MS4A6E: variants seen among roughly 807,000 people sequenced by gnomAD.
MS4A6E encodes the protein membrane spanning 4-domains A6E, also known as membrane-spanning 4-domains subfamily A member 6E.
Under a neutral mutation model 13.2 loss-of-function variants are expected in MS4A6E, and 8 were observed. The ratio of observed to expected loss-of-function variants is 0.60; its 90% CI spans 0.35 to 1.09. The LOEUF (loss-of-function observed/expected upper bound fraction) is 1.09. Among genes scored for constraint, MS4A6E ranks in the 50% least tolerant of loss-of-function variants. The pLI is 0.02. For missense variants in MS4A6E, 177 were observed against 171.1 expected (o/e 1.03, Z -0.19); for synonymous variants, 72 against 67.6 (o/e 1.06, Z -0.32).
intron 3 of MS4A6E, among the ~76,000 whole-genome samples, chr11:60,339,653 C>T (rs1157148792): frequency 6.6e-6 from 1 of 152,214 alleles, no homozygotes; most frequent in African/African-American, 2.4e-5. Context: ...GATTTAGTTA[C>T]TACTCATCTT....
At chr11:60,343,430 G>A (rs2085241312), downstream of MS4A6E, among the ~76,000 whole-genome samples, 1 of 152,064 alleles carries the variant, frequency 6.6e-6, no homozygotes, top group Admixed American at 6.6e-5. Flanking sequence ...TTTTCCAACC[G>A]GAATTCCATA....
chr11:60,347,138 T>C (rs1399319531), intron 4 of MS4A6E, among the ~76,000 whole-genome samples: 2 of 152,144 alleles, frequency 1.3e-5, no homozygotes, highest in Non-Finnish European at 1.5e-5. Flanking sequence ...GCATGGTTAG[T>C]GGGGGTCCCA....
At chr11:60,336,843 T>C (rs2085191553) in intron 2 of MS4A6E, among the ~76,000 whole-genome samples, 1 of 152,202 alleles carries the variant, frequency 6.6e-6, no homozygotes, top group South Asian at 2.1e-4. Context: ...CAGTTCTCTT[T>C]TCTGTGTGAG....
At chr11:60,330,130 CA>C (rs1276310484) in intron 1 of MS4A6E, among the ~76,000 whole-genome samples, 1 of 148,790 alleles carries the variant, frequency 6.7e-6, no homozygotes, top group Non-Finnish European at 1.5e-5. Flanking sequence ...CGGCCTCCTT[CA>C]CCCACTTTTT....
chr11:60,339,495 C>T (rs762621788), intron 3 of MS4A6E, among the ~76,000 whole-genome samples: 73 of 152,144 alleles, frequency 4.8e-4, no homozygotes, highest in Middle Eastern at 3.2e-3. Flanking sequence ...CACAGCTACT[C>T]AGCAGTAAAG....
chr11:60,342,176 TGTGAGAGA>T (rs1197683782), downstream of MS4A6E, among the ~76,000 whole-genome samples: 10 of 37,790 alleles, frequency 2.6e-4, no homozygotes, highest in East Asian at 8.8e-4. Context: ...TGTGTGTGTG[TGTGAGAGA>T]GAGAGAGAGA....
chr11:60,341,482 G>A (rs1259551255), downstream of MS4A6E, among the ~76,000 whole-genome samples: 1 of 152,000 alleles, frequency 6.6e-6, no homozygotes, highest in Admixed American at 6.6e-5. Flanking sequence ...AACCAGGAAT[G>A]CTTATCTGTT....
At chr11:60,327,465 C>T (rs1001768049) in intron 1 of MS4A6E, among the ~76,000 whole-genome samples, 57 bp downstream of exon 1, 1 of 152,128 alleles carries the variant, frequency 6.6e-6, no homozygotes, top group African/African-American at 2.4e-5. Flanking sequence ...TCTGTTATAG[C>T]AGCACAAATG....
chr11:60,345,554 C>T (rs1018289169), downstream of MS4A6E, among the ~76,000 whole-genome samples: 9 of 152,162 alleles, frequency 5.9e-5, no homozygotes, highest in Non-Finnish European at 1.5e-5. Context: ...TCTCTGGCTG[C>T]ATTGGTTTGT....
At chr11:60,347,065 G>A (rs2085259503) in intron 4 of MS4A6E, among the ~76,000 whole-genome samples, 1 of 152,178 alleles carries the variant, frequency 6.6e-6, no homozygotes, top group Non-Finnish European at 1.5e-5. Flanking sequence ...ATTTCTTGTA[G>A]GGGTAAGAGT....
chr11:60,344,639 A>C (rs2085247693), downstream of MS4A6E, among the ~76,000 whole-genome samples: 1 of 152,124 alleles, frequency 6.6e-6, no homozygotes, highest in Non-Finnish European at 1.5e-5. Flanking sequence ...GAAAATATAC[A>C]CTTGAGAAGT....
intron 2 of MS4A6E, chr11:60,335,775 T>A (rs1378196735): frequency 6.2e-6 from 2 of 321,620 alleles, no homozygotes; most frequent in Non-Finnish European, 1.2e-5. Context: ...TGGTAAATGA[T>A]AATAGAGCTG....
chr11:60,348,643 C>T (rs1052101238), intron 4 of MS4A6E, among the ~76,000 whole-genome samples: 1 of 152,192 alleles, frequency 6.6e-6, no homozygotes, highest in Admixed American at 6.5e-5. Context: ...CAGATAACAC[C>T]AGGGTGTAAC....
intron 1 of MS4A6E, among the ~76,000 whole-genome samples, chr11:60,334,365 T>C (rs1323587519): frequency 1.3e-5 from 2 of 152,182 alleles, no homozygotes; most frequent in Non-Finnish European, 2.9e-5. Flanking sequence ...TCTTCCAATG[T>C]ATGAAGCCAC....
chr11:60,344,913 T>C (rs1485340868), downstream of MS4A6E, among the ~76,000 whole-genome samples: 1 of 12,962 alleles, frequency 7.7e-5, no homozygotes, highest in Non-Finnish European at 2.7e-4. Flanking sequence ...TTTGTTTTGT[T>C]TTTTTTGTTT....
rs1194508369 is a variant in MS4A6E, at chr11:60,341,303, T to C, written c.*537T>C. On this transcript the variant is annotated 3_prime_UTR_variant, in exon 5 of 5. Transcript: ENST00000684409. ...AATGAAGTCTCCGAGTGTATGAAAG[T>C]AGCCGGCTTCAAAATAAAATCTTTG... 1.3e-5 allele frequency among the ~76,000 whole-genome samples: 2 copies of C among 152,238 alleles called. No homozygotes were observed. The highest frequency in any genetic ancestry group is 4.8e-5 in the African/African-American group (2 of 41,470).
At chr11:60,345,602 C>A (rs2085252772), downstream of MS4A6E, among the ~76,000 whole-genome samples, 1 of 152,218 alleles carries the variant, frequency 6.6e-6, no homozygotes, top group Admixed American at 6.5e-5. Flanking sequence ...GGTTCCCCAG[C>A]TTCCTCTGGA....
intron 1 of MS4A6E, among the ~76,000 whole-genome samples, chr11:60,328,526 TACAC>T (rs35996897): frequency 0.034 from 4,913 of 145,700 alleles, 230 homozygotes; most frequent in African/African-American, 0.11. Flanking sequence ...AACTGTGAGA[TACAC>T]ACACACACAC....
downstream of MS4A6E, among the ~76,000 whole-genome samples, chr11:60,344,186 A>G (rs1414729989): frequency 2.0e-5 from 3 of 152,210 alleles, no homozygotes; most frequent in Non-Finnish European, 4.4e-5. Context: ...GTCACTTTGG[A>G]GGTATTTAAG....
Sources: allele counts gnomAD v4.1 joint callset (sites outside exome capture counted in the v4.1 genomes callset), GRCh38; gene constraint gnomAD v4.1.1; transcripts MANE v1.5; gene names NCBI Gene and HGNC (gene_info 2026-07-23, HGNC 2026-07-21).